The following PPP1CB variants were observed in gnomAD, a reference collection of about 807,000 sequenced individuals.
PPP1CB encodes the protein serine/threonine-protein phosphatase PP1-beta catalytic subunit.
PPP1CB carries 2 observed loss-of-function variants against 43.7 expected under a neutral mutation model. The ratio of observed to expected loss-of-function variants is 0.05; its 90% confidence interval spans 0.02 to 0.14. PPP1CB has a LOEUF of 0.14. Among genes scored for constraint, PPP1CB ranks in the 10% least tolerant of loss-of-function variants. PPP1CB has a pLI of 1.00. For synonymous variants in PPP1CB, 136 were observed against 135.6 expected (o/e 1.00, Z -0.02); for missense variants, 84 against 398.0 (o/e 0.21, Z 6.71).
At position 28,800,226 on chromosome 2, in the gene PPP1CB, C is replaced by CTTTTTTTTTTTTTTTTTTTTTTTAT; in HGVS notation, c.*946_*947insATTTTTTTTTTTTTTTTTTTTTTTT. The CTTTTTTTTTTTTTTTTTTTTTTTAT allele has an allele frequency of 1.5e-5, 1 of 65,628 alleles. No individual in the cohort carries two copies. Among genetic ancestry groups the CTTTTTTTTTTTTTTTTTTTTTTTAT allele is most frequent in the Non-Finnish European group, 2.7e-5 (1 of 36,888 alleles). The allele number at this position is 65,628 out of a possible 1,614,324, so 4.1% of individuals were successfully genotyped here. A position where few individuals can be genotyped will look rare whatever the true frequency, so the allele number is the denominator to read the frequency against. On this transcript the variant is annotated 3_prime_UTR_variant, in exon 8 of 8. Transcript: ENST00000395366. Reference sequence around the variant, plus strand: ...TTGGTTTTCTTTTTCTTTTTTCTTTCTTTTTTTTTTTTTTTTTTTTTTTGA... The same window carrying CTTTTTTTTTTTTTTTTTTTTTTTAT: ...TTGGTTTTCTTTTTCTTTTTTCTTTCTTTTTTTTTTTTTTTTTTTTTTTATTTTTTTTTTTTTTTTTTTTTTTTGA...
chr2:28,782,857 G>C (rs1460413095), intron 4 of PPP1CB: 2 of 152,196 alleles, frequency 1.3e-5, no homozygotes, highest in African/African-American at 4.8e-5. Flanking sequence ...ACTTGCCTAG[G>C]CCCGAGGTAA....
At chr2:28,766,365 G>A (rs1666776772) in intron 1 of PPP1CB, among the ~76,000 whole-genome samples, 1 of 152,140 alleles carries the variant, frequency 6.6e-6, no homozygotes, top group Non-Finnish European at 1.5e-5. Context: ...TGATGCCTGT[G>A]GTTCAGTAAT....
intron 1 of PPP1CB, among the ~76,000 whole-genome samples, chr2:28,771,272 T>C (rs1371964930): frequency 6.6e-6 from 1 of 152,044 alleles, no homozygotes; most frequent in African/African-American, 2.4e-5. Context: ...CAGGCTGGTC[T>C]CTTCCTGACC....
chr2:28,780,213 C>T (rs1375786083), intron 3 of PPP1CB, among the ~76,000 whole-genome samples: 2 of 151,840 alleles, frequency 1.3e-5, no homozygotes, highest in South Asian at 2.1e-4. Flanking sequence ...CTCAGCCTCC[C>T]GATTAGCTGG....
chr2:28,789,749 C>G (rs1412223979), intron 6 of PPP1CB, among the ~76,000 whole-genome samples: 1 of 151,628 alleles, frequency 6.6e-6, no homozygotes, highest in Non-Finnish European at 1.5e-5. Flanking sequence ...CAGGCACGCA[C>G]CACCACGCCT....
At chr2:28,765,780 G>A (rs1441742300) in intron 1 of PPP1CB, among the ~76,000 whole-genome samples, 1 of 152,202 alleles carries the variant, frequency 6.6e-6, no homozygotes. Flanking sequence ...CAGGTGTGGT[G>A]GCATGTGCCT....
At chr2:28,770,005 A>G (rs933924571) in intron 1 of PPP1CB, among the ~76,000 whole-genome samples, 1 of 152,134 alleles carries the variant, frequency 6.6e-6, no homozygotes, top group African/African-American at 2.4e-5. Flanking sequence ...ACCGTGGCTC[A>G]CACCTGTAAT....
At chr2:28,788,555 A>C in intron 5 of PPP1CB, 103 bp from the exon 6 acceptor site, 3 of 1,272,442 alleles carry the variant, frequency 2.4e-6, no homozygotes, top group Non-Finnish European at 3.3e-6. Context: ...TTGTTTAGTA[A>C]AAGGTAAGAG....
chr2:28,785,145 G>T (rs1667240276), intron 5 of PPP1CB, among the ~76,000 whole-genome samples: 1 of 136,278 alleles, frequency 7.3e-6, no homozygotes, highest in South Asian at 2.5e-4. Flanking sequence ...TGCAACCTCG[G>T]CTCACTGCAA....
intron 7 of PPP1CB, among the ~76,000 whole-genome samples, chr2:28,797,637 T>TTATA (rs1036449765): frequency 5.3e-5 from 8 of 152,132 alleles, no homozygotes; most frequent in Non-Finnish European, 1.0e-4. Flanking sequence ...GCACAGGTGT[T>TTATA]TATAATCTCT....
rs769650329 is a variant in PPP1CB, at chr2:28,785,065, C to CTTTTTTTTTTTTTTTTTTTTTTT, written c.592+1093_592+1115dup. Among the ~76,000 whole-genome samples, 33 of 54,996 alleles carry CTTTTTTTTTTTTTTTTTTTTTTT rather than the reference C, an allele frequency of 6.0e-4. 8 individuals are homozygous for CTTTTTTTTTTTTTTTTTTTTTTT. Among genetic ancestry groups the CTTTTTTTTTTTTTTTTTTTTTTT allele is most frequent in the Non-Finnish European group, 9.1e-4 (26 of 28,692 alleles). The allele number at this position is 54,996 out of a possible 152,430, so 36.1% of individuals were successfully genotyped here. On this transcript the variant is annotated intron_variant, in intron 5 of 7. Transcript: ENST00000395366. Reference sequence around the variant, plus strand: ...ATGTTGTAATAAATTGTGTTAGGAGCTTTTTTTTTTTTTTTTTTTTTTTTT... The same window carrying CTTTTTTTTTTTTTTTTTTTTTTT: ...ATGTTGTAATAAATTGTGTTAGGAGCTTTTTTTTTTTTTTTTTTTTTTTTTTTTTTTTTTTTTTTTTTTTTTTT...
chr2:28,801,320 A>G lies in PPP1CB; in HGVS notation c.*2017A>G, dbSNP rs1667611038. 1 of 152,120 alleles carries G rather than the reference A, an allele frequency of 6.6e-6. No homozygotes were observed. Among genetic ancestry groups the G allele is most frequent in the South Asian group, 2.1e-4 (1 of 4,826 alleles). 9.4% of individuals were successfully genotyped at this position (152,120 alleles called of 1,614,324 possible). A position where few individuals can be genotyped will look rare whatever the true frequency, so the allele number is the denominator to read the frequency against. On this transcript the variant is annotated 3_prime_UTR_variant, in exon 8 of 8. Coordinates refer to ENST00000395366, the MANE Select transcript of PPP1CB (RefSeq NM_002709.3). ...CTAGAAAATAAGCCTTTGGCAGGGA[A>G]AAAGGGCAATGTTGATTAATCTCAG...
In PPP1CB at chr2:28,800,226, CTTTTTTTTTTTT is replaced by C. The variant is rs55736905; in HGVS notation, c.*935_*946del. The C allele has an allele frequency of 3.0e-5, 2 of 65,628 alleles. No individual in the cohort carries two copies. Among genetic ancestry groups the C allele is most frequent in the African/African-American group, 1.3e-4 (2 of 15,760 alleles). 4.1% of individuals were successfully genotyped at this position (65,628 alleles called of 1,614,324 possible). ...TTGGTTTTCTTTTTCTTTTTTCTTT[CTTTTTTTTTTTT>C]TTTTTTTTTTTGAGTTGTTGTTTGT... On this transcript the variant is annotated 3_prime_UTR_variant, in exon 8 of 8. Coordinates refer to ENST00000395366, the MANE Select transcript of PPP1CB (RefSeq NM_002709.3).
chr2:28,754,658 CTT>C (rs1208381057), intron 1 of PPP1CB, among the ~76,000 whole-genome samples: 1 of 152,198 alleles, frequency 6.6e-6, no homozygotes, highest in Non-Finnish European at 1.5e-5. Context: ...TGTTGAAAGA[CTT>C]GTCCAGAGCA....
chr2:28,788,603 T>A (rs1667322954), intron 5 of PPP1CB, 55 bp from the exon 6 acceptor site: 2 of 1,550,296 alleles, frequency 1.3e-6, no homozygotes, highest in South Asian at 2.3e-5. Context: ...AGATGTGCTA[T>A]ATTCTATAAA....
chr2:28,777,178 A>G, intron 2 of PPP1CB, 196 bp downstream of exon 2: 1 of 432,586 alleles, frequency 2.3e-6, no homozygotes, highest in East Asian at 4.0e-5. Flanking sequence ...CTATATATCA[A>G]CAGATAAAAG....
At chr2:28,766,562 C>T (rs1666780646) in intron 1 of PPP1CB, among the ~76,000 whole-genome samples, 3 of 152,216 alleles carry the variant, frequency 2.0e-5, no homozygotes, top group Admixed American at 6.5e-5. Context: ...TGAGAATATT[C>T]TTGCCTCTAG....
chr2:28,752,176 G>A lies in PPP1CB; in HGVS notation c.52G>A (p.Val18Ile). 6.5e-7 allele frequency: 1 copy of A among 1,546,194 alleles called. No homozygotes were observed. Among genetic ancestry groups the A allele is most frequent in the Non-Finnish European group, 8.7e-7 (1 of 1,144,496 alleles). Reference protein sequence around the residue: ...VDSLITRLLEVRGCRPGKIVQ... With the variant: ...VDSLITRLLEIRGCRPGKIVQ... ...CAGCCTCATCACCCGGCTGCTGGAG[G>A]GTGAGTGCGCGCCTGGCCGCGGGAC... Residue 18 changes from valine to isoleucine, a missense_variant and splice_region_variant, in exon 1 of 8, where the codon GTA becomes ATA. This residue lies in a region of PPP1CB where 27 missense variants were observed against 42.7 expected (regional missense o/e 0.63). Coordinates refer to ENST00000395366, the MANE Select transcript of PPP1CB (RefSeq NM_002709.3).
intron 1 of PPP1CB, among the ~76,000 whole-genome samples, chr2:28,769,273 T>C (rs1666849214): frequency 6.6e-6 from 1 of 152,212 alleles, no homozygotes; most frequent in South Asian, 2.1e-4. Flanking sequence ...TTTGCTCGTG[T>C]GGCCGAGGCT....
Sources: gnomAD v4.1 joint callset for allele counts (sites outside exome capture counted in the v4.1 genomes callset) on GRCh38, gnomAD v4.1.1 for gene constraint, gnomAD v4.1.1 regional missense constraint, MANE v1.5 for transcripts, NCBI Gene and HGNC (gene_info 2026-07-23, HGNC 2026-07-21) for gene names.